AGAP3: variants seen among roughly 807,000 people sequenced by gnomAD.
The protein encoded by AGAP3 is arf-GAP with GTPase, ANK repeat and PH domain-containing protein 3.
A neutral mutation model predicts 96.9 loss-of-function variants in AGAP3; 24 were observed. The ratio of observed to expected loss-of-function variants is 0.25; its 90% CI spans 0.18 to 0.35. The LOEUF (loss-of-function observed/expected upper bound fraction) is 0.35. Among genes scored for constraint, AGAP3 ranks in the 10% least tolerant of loss-of-function variants. The pLI, the probability that AGAP3 is intolerant of heterozygous loss-of-function variation, is 1.00. For missense variants in AGAP3, 876 were observed against 1,254.2 expected, an observed-to-expected ratio of 0.70 and a Z score of 4.55; for synonymous variants, 563 against 536.1, an observed-to-expected ratio of 1.05 and a Z score of -0.69.
intron 10 of AGAP3, among the ~76,000 whole-genome samples, chr7:151,132,677 G>A (rs1800445841): frequency 6.6e-6 from 1 of 152,246 alleles, no homozygotes; most frequent in Non-Finnish European, 1.5e-5. Context: ...TTCCCCTGAT[G>A]GCACGGAGCT....
intron 10 of AGAP3, among the ~76,000 whole-genome samples, chr7:151,134,072 A>G (rs1204107402): frequency 6.6e-6 from 1 of 152,066 alleles, no homozygotes; most frequent in African/African-American, 2.4e-5. Flanking sequence ...CCTAAATCCC[A>G]GCCTGGCCCA....
In AGAP3 at chr7:151,141,633, T is replaced by A. The variant is rs892365491; in HGVS notation, c.1805-265T>A. Reference sequence around the variant, plus strand: ...CACCCATTCCCGGCAGTGCCAGGGGTGCCAAGATCTTGCATCCCCCATCTG... The same window carrying A: ...CACCCATTCCCGGCAGTGCCAGGGGAGCCAAGATCTTGCATCCCCCATCTG... On this transcript the variant is annotated intron_variant, in intron 13 of 17. Coordinates refer to ENST00000397238, the MANE Select transcript of AGAP3 (RefSeq NM_031946.7). The surrounding 1 kb of genome is among the most constrained non-coding windows in gnomAD (Gnocchi z 4.2). 10 of 482,560 alleles carry A rather than the reference T, an allele frequency of 2.1e-5. No homozygotes were observed. The highest frequency in any genetic ancestry group is 1.9e-4 in the African/African-American group (10 of 51,516). 29.9% of individuals were successfully genotyped at this position (482,560 alleles called of 1,614,324 possible).
intron 1 of AGAP3, among the ~76,000 whole-genome samples, chr7:151,092,308 A>G (rs2150406298): frequency 6.6e-6 from 1 of 152,258 alleles, no homozygotes; most frequent in Admixed American, 6.5e-5. Context: ...GGGGAGACAG[A>G]CACCCCCGTA....
chr7:151,087,766 C>T (rs1268737966), intron 1 of AGAP3, among the ~76,000 whole-genome samples: 3 of 152,262 alleles, frequency 2.0e-5, no homozygotes, highest in Non-Finnish European at 4.4e-5. Flanking sequence ...GAGTCGGGGA[C>T]CGGAAACCCC....
chr7:151,123,439 C>G (rs569805445), intron 8 of AGAP3: 1 of 1,130,002 alleles, frequency 8.8e-7, no homozygotes, highest in South Asian at 2.5e-5. Flanking sequence ...TTTGCGCTCC[C>G]GGTTGTCGCG....
chr7:151,106,009 A>T (rs187865306), intron 1 of AGAP3, among the ~76,000 whole-genome samples: 206 of 152,100 alleles, frequency 1.4e-3, no homozygotes, highest in Admixed American at 2.6e-3. Context: ...GGGTTTAATA[A>T]GTTTACCTCT....
At chr7:151,099,212 G>A (rs1466933326) in intron 1 of AGAP3, among the ~76,000 whole-genome samples, 8 of 151,464 alleles carry the variant, frequency 5.3e-5, no homozygotes, top group South Asian at 2.1e-4. Flanking sequence ...GCATGGTGGC[G>A]GGCGCCTGTA....
intron 1 of AGAP3, among the ~76,000 whole-genome samples, chr7:151,105,102 C>A (rs1040470455): frequency 6.6e-6 from 1 of 152,156 alleles, no homozygotes; most frequent in African/African-American, 2.4e-5. Flanking sequence ...TGTTTTCTTA[C>A]CCTGAAATAA....
intron 1 of AGAP3, chr7:151,090,418 C>G (rs114091522): frequency 7.8e-6 from 1 of 128,622 alleles, no homozygotes; most frequent in East Asian, 2.4e-4. Context: ...ACAGTTACTT[C>G]GAGCATTCCA....
At chr7:151,087,189 A>G in intron 1 of AGAP3, 117 bp downstream of exon 1, 1 of 1,106,360 alleles carries the variant, frequency 9.0e-7, no homozygotes, top group Non-Finnish European at 1.3e-6. Flanking sequence ...TGCGCGCTTG[A>G]GGACCAGGCC....
Position 151,108,689 on chromosome 7 carries a change from A to T in AGAP3, c.332-8104A>T, listed in dbSNP as rs1471299048. Among the ~76,000 whole-genome samples the T allele has an allele frequency of 1.3e-5, 2 of 152,246 alleles. No individual in the cohort carries two copies. Among genetic ancestry groups the T allele is most frequent in the Non-Finnish European group, 2.9e-5 (2 of 68,044 alleles). On this transcript the variant is annotated intron_variant, in intron 1 of 17. Coordinates refer to ENST00000397238, the MANE Select transcript of AGAP3 (RefSeq NM_031946.7). This position sits in a 1 kb window ranked among gnomAD's most constrained non-coding sequence, Gnocchi z 4.2. ...CAGTCTGCTTGCCCTGAATGCACTT[A>T]GTAAGCACTCAAAAAATAATGTGAA...
intron 1 of AGAP3, among the ~76,000 whole-genome samples, chr7:151,087,915 C>T (rs900829868): frequency 6.6e-6 from 1 of 152,286 alleles, no homozygotes; most frequent in South Asian, 2.1e-4. Flanking sequence ...GAGGCACCCG[C>T]AGGCACCCCG....
At position 151,117,741 on chromosome 7, in the gene AGAP3, G is replaced by T; in HGVS notation, c.670G>T (p.Ala224Ser). 1 of 1,614,170 alleles carries T rather than the reference G, an allele frequency of 6.2e-7. No individual in the cohort carries two copies. The highest frequency in any genetic ancestry group is 8.5e-7 in the Non-Finnish European group (1 of 1,180,010). Residue 224 changes from alanine (A) to serine (S), a missense_variant, in exon 5 of 18, where the codon GCC becomes TCC. Coordinates refer to ENST00000397238, the MANE Select transcript of AGAP3 (RefSeq NM_031946.7). ...YFLRLCSFRN[A>S]SEVPMVLVGT... Reference sequence around the variant, plus strand: ...CCTGCGTCTCTGCAGCTTCCGCAACGCCAGCGAGGTGCCCATGGTGCTTGT... The same window carrying T: ...CCTGCGTCTCTGCAGCTTCCGCAACTCCAGCGAGGTGCCCATGGTGCTTGT...
At chr7:151,130,814 G>A (rs897259307) in intron 10 of AGAP3, among the ~76,000 whole-genome samples, 4 of 151,710 alleles carry the variant, frequency 2.6e-5, no homozygotes, top group South Asian at 2.1e-4. Context: ...ATGTCACGCC[G>A]CCACCACCCC....
intron 1 of AGAP3, among the ~76,000 whole-genome samples, chr7:151,113,020 C>T (rs1799364205): frequency 6.6e-6 from 1 of 152,188 alleles, no homozygotes; most frequent in Non-Finnish European, 1.5e-5. Context: ...AGGTGTGAGC[C>T]ACCGCGCCCG....
intron 1 of AGAP3, among the ~76,000 whole-genome samples, chr7:151,112,820 T>C (rs1799353180): frequency 6.6e-6 from 1 of 152,154 alleles, no homozygotes; most frequent in Non-Finnish European, 1.5e-5. Flanking sequence ...CAGGCTGGTC[T>C]CCAACTCCTG....
chr7:151,126,883 G>A (rs1800201783), intron 9 of AGAP3, among the ~76,000 whole-genome samples: 1 of 152,252 alleles, frequency 6.6e-6, no homozygotes, highest in South Asian at 2.1e-4. Context: ...GGGCCAGGTA[G>A]CAGGATGTGT....
chr7:151,120,962 C>A, intron 8 of AGAP3: 3 of 688,512 alleles, frequency 4.4e-6, no homozygotes, highest in Non-Finnish European at 5.5e-6. Flanking sequence ...TTGGGCCAGA[C>A]AAAGGTGGGT....
At chr7:151,113,536 T>C (rs750634230) in intron 1 of AGAP3, among the ~76,000 whole-genome samples, 1 of 152,166 alleles carries the variant, frequency 6.6e-6, no homozygotes, top group African/African-American at 2.4e-5. Flanking sequence ...GTCCATGGAA[T>C]TCTAAAGCTG....
Sources: gnomAD v4.1 joint callset for allele counts (sites outside exome capture counted in the v4.1 genomes callset) on GRCh38, gnomAD v4.1.1 for gene constraint, Gnocchi (gnomAD v3.1) non-coding constraint, MANE v1.5 for transcripts, NCBI Gene and HGNC (gene_info 2026-07-23, HGNC 2026-07-21) for gene names.